ETS1: variants seen among roughly 807,000 people sequenced by gnomAD.
ETS1 encodes protein C-ets-1.
ETS1 carries 15 observed loss-of-function variants against 58.6 expected under a neutral mutation model. The ratio of observed to expected loss-of-function variants is 0.26; its 90% CI spans 0.17 to 0.39. ETS1 has a LOEUF of 0.39. ETS1 is among the 10% of genes least tolerant of loss of function. The pLI is 1.00. For synonymous variants in ETS1, 214 were observed against 218.2 expected, an observed-to-expected ratio of 0.98 and a Z score of 0.17; for missense variants, 417 against 610.5, an observed-to-expected ratio of 0.68 and a Z score of 3.34.
intron 1 of ETS1, among the ~76,000 whole-genome samples, chr11:128,580,112 G>A (rs1050859298): frequency 2.0e-5 from 3 of 147,760 alleles, no homozygotes; most frequent in South Asian, 4.3e-4. Context: ...TTGAAACAGA[G>A]TTGGTGTGTA....
chr11:128,573,137 C>T lies in ETS1; in HGVS notation c.-7G>A. 1.9e-6 allele frequency: 3 copies of T among 1,579,296 alleles called. No homozygotes were observed. The highest frequency in any genetic ancestry group is 2.6e-6 in the Non-Finnish European group (3 of 1,162,106). ...AATCCACAAAGTAGCTCATTCTGCT[C>T]TCAGCACCTGTGTGAGAGAAGGCGT... On this transcript the variant is annotated 5_prime_UTR_variant, in exon 2 of 10. Transcript: ENST00000392668.
rs753014562 is a variant in ETS1, at chr11:128,462,311, G to A, written c.*50C>T. ...TCAAAATTCAGAGTCCAACCAACAC[G>A]GCTGTCCTTGGAAGGTCTCAGCAGG... is the stretch of plus-strand genomic sequence containing the variant. On this transcript the variant is annotated 3_prime_UTR_variant, in exon 10 of 10. Coordinates refer to ENST00000392668, the MANE Select transcript of ETS1 (RefSeq NM_001143820.2). The A allele has an allele frequency of 1.1e-5, 15 of 1,395,786 alleles. No homozygotes were observed. Among genetic ancestry groups the A allele is most frequent in the South Asian group, 5.8e-5 (5 of 85,872 alleles). The allele number at this position is 1,395,786 out of a possible 1,614,324, so 86.5% of individuals were successfully genotyped here.
intron 3 of ETS1, among the ~76,000 whole-genome samples, chr11:128,539,834 GA>G: frequency 6.6e-6 from 1 of 152,272 alleles, no homozygotes; most frequent in East Asian, 1.9e-4. Flanking sequence ...GGTGAAACTT[GA>G]AAACATTATG....
rs1305510029 is a variant in ETS1 at position 128,522,216 on chromosome 11, G to T, written c.215-31640C>A. Reference sequence around the variant, plus strand: ...TTTGCGGCGAAGTGAGCGCGCTCGGGTCCCAGCCTCGCCCGCGCCGCGCCC... The same window carrying T: ...TTTGCGGCGAAGTGAGCGCGCTCGGTTCCCAGCCTCGCCCGCGCCGCGCCC... On this transcript the variant is annotated intron_variant, in intron 3 of 9. Transcript: ENST00000392668. The T allele has an allele frequency of 5.7e-6, 7 of 1,231,862 alleles. No individual in the cohort carries two copies. The East Asian group carries it at 2.2e-4, about 38-fold the overall frequency. 76.3% of individuals were successfully genotyped at this position (1,231,862 alleles called of 1,614,324 possible).
chr11:128,504,276 G>C (rs1863170674), intron 3 of ETS1, among the ~76,000 whole-genome samples: 1 of 152,166 alleles, frequency 6.6e-6, no homozygotes, highest in Admixed American at 6.5e-5. Context: ...ATGGCCTGGA[G>C]CAATAACTAT....
intron 3 of ETS1, chr11:128,522,590 GA>G (rs1247486428): frequency 6.4e-6 from 1 of 157,234 alleles, no homozygotes; most frequent in Non-Finnish European, 1.4e-5. Flanking sequence ...CCGGGCCTCG[GA>G]GCCCAGGCAG....
intron 1 of ETS1, among the ~76,000 whole-genome samples, chr11:128,585,027 GA>G (rs1173571925): frequency 2.5e-4 from 2 of 8,120 alleles, no homozygotes; most frequent in African/African-American, 3.7e-4. Flanking sequence ...AAAGAAGAAA[GA>G]AAGAAAAGAA....
intron 3 of ETS1, among the ~76,000 whole-genome samples, chr11:128,512,835 G>C (rs974897907): frequency 8.7e-4 from 133 of 152,388 alleles, no homozygotes; most frequent in Admixed American, 2.6e-4. Flanking sequence ...AGCCTATCAA[G>C]AAGAGGCAGA....
intron 3 of ETS1, among the ~76,000 whole-genome samples, chr11:128,520,493 T>C (rs923973068): frequency 1.3e-5 from 2 of 152,242 alleles, no homozygotes; most frequent in East Asian, 3.8e-4. Context: ...TTCACTTCTA[T>C]ATATGGTTTC....
chr11:128,530,809 CAAG>C (rs1210410418), intron 3 of ETS1, among the ~76,000 whole-genome samples: 1 of 152,146 alleles, frequency 6.6e-6, no homozygotes, highest in African/African-American at 2.4e-5. Flanking sequence ...TTCTAAAAAT[CAAG>C]AAGATTATAA....
chr11:128,472,166 G>GA (rs375137089), intron 8 of ETS1, among the ~76,000 whole-genome samples: 10 of 152,150 alleles, frequency 6.6e-5, no homozygotes, highest in African/African-American at 2.4e-4. Flanking sequence ...CGCCTTTAAA[G>GA]AAAAAAAGAA....
At chr11:128,471,024 C>T (rs1274754180) in intron 8 of ETS1, among the ~76,000 whole-genome samples, 3 of 152,142 alleles carry the variant, frequency 2.0e-5, no homozygotes, top group South Asian at 2.1e-4. Flanking sequence ...CCTCTTTTCC[C>T]GATGCACCTT....
At chr11:128,548,558 T>C (rs866649675) in intron 3 of ETS1, among the ~76,000 whole-genome samples, 1 of 152,216 alleles carries the variant, frequency 6.6e-6, no homozygotes, top group South Asian at 2.1e-4. Context: ...GTCCCCAACC[T>C]ATCTGGAACT....
In ETS1 at chr11:128,484,445, G is replaced by A. The variant is rs1862569986; in HGVS notation, c.862+378C>T. Among the ~76,000 whole-genome samples the A allele has an allele frequency of 2.0e-5, 3 of 152,314 alleles. No individual in the cohort carries two copies. The South Asian group carries it at 6.2e-4, about 32-fold the overall frequency. On this transcript the variant is annotated intron_variant, in intron 7 of 9. Transcript: ENST00000392668. ...GCACCAGGACACATGCTAAGCTTAA[G>A]GGTTTTCCAGGGTGGCCACTTGAAC...
At position 128,522,540 on chromosome 11, in the gene ETS1, G is replaced by A. The variant is rs529479227; in HGVS notation, c.215-31964C>T. On this transcript the variant is annotated intron_variant, in intron 3 of 9. Transcript: ENST00000392668. ...AGCGAAAGGAAGGGCTGGCGAGCGC[G>A]GGGCCGGGCCGCGACCGCGGAGGAG... 112 of 206,182 alleles carry A rather than the reference G, an allele frequency of 5.4e-4. 1 individual carries two copies. Among genetic ancestry groups the A allele is most frequent in the African/African-American group, 2.2e-3 (95 of 42,566 alleles). The allele number at this position is 206,182 out of a possible 1,614,324, so 12.8% of individuals were successfully genotyped here. A position where few individuals can be genotyped will look rare whatever the true frequency, so the allele number is the denominator to read the frequency against.
At chr11:128,497,126 G>C (rs1028313224) in intron 3 of ETS1, among the ~76,000 whole-genome samples, 1 of 152,150 alleles carries the variant, frequency 6.6e-6, no homozygotes, top group African/African-American at 2.4e-5. Flanking sequence ...GAAGTCACCA[G>C]CCAGTAAAAA....
chr11:128,555,434 C>T (rs1284763662), intron 3 of ETS1, among the ~76,000 whole-genome samples: 2 of 152,160 alleles, frequency 1.3e-5, no homozygotes, highest in East Asian at 3.8e-4. Context: ...ATTTTCCCAA[C>T]ATGTAAGAGT....
At chr11:128,550,030 G>C (rs1199952899) in intron 3 of ETS1, among the ~76,000 whole-genome samples, 1 of 152,216 alleles carries the variant, frequency 6.6e-6, no homozygotes, top group East Asian at 1.9e-4. Flanking sequence ...CCTGCGATAG[G>C]CCACGACCTT....
intron 3 of ETS1, among the ~76,000 whole-genome samples, chr11:128,537,600 A>G (rs1863990647): frequency 6.6e-6 from 1 of 152,222 alleles, no homozygotes; most frequent in South Asian, 2.1e-4. Flanking sequence ...CACCCAAAAC[A>G]TTCAAAGTCG....
Sources: allele counts gnomAD v4.1 joint callset (sites outside exome capture counted in the v4.1 genomes callset), GRCh38; gene constraint gnomAD v4.1.1; transcripts MANE v1.5; gene names NCBI Gene and HGNC (gene_info 2026-07-23, HGNC 2026-07-21).